The following DPAGT1 variants were observed in gnomAD, a reference collection of about 807,000 sequenced individuals.
DPAGT1 encodes UDP-N-acetylglucosamine--dolichyl-phosphate N-acetylglucosaminephosphotransferase.
Under a neutral mutation model 39.3 loss-of-function variants are expected in DPAGT1, and 25 were observed. The observed-to-expected ratio is 0.64, with a 90% CI of 0.46 to 0.89. The LOEUF is 0.89. Ranked by LOEUF, DPAGT1 falls within the 40% of genes least tolerant of loss-of-function variation. The probability of loss-of-function intolerance (pLI) is 0.00; values close to 1 mark genes in which losing one functional copy is unlikely to be tolerated. For missense variants in DPAGT1, 381 were observed against 500.6 expected (o/e 0.76, Z 2.28); for synonymous variants, 193 against 201.4 (o/e 0.96, Z 0.36).
At position 119,100,700 on chromosome 11, in the gene DPAGT1, G is replaced by A; in HGVS notation, c.426C>T (p.Thr142=). 6.2e-7 allele frequency: 1 copy of A among 1,614,182 alleles called. No individual in the cohort carries two copies. Among genetic ancestry groups the A allele is most frequent in the Non-Finnish European group, 8.5e-7 (1 of 1,180,026 alleles). The change falls in exon 3 of 9, where the codon ACC becomes ACT. Residue 142 remains threonine (T), a synonymous_variant. Transcript: ENST00000354202. ...ASLPLLMVYF[T]NFGNTTIVVP... ...CCACAATGGTCGTGTTGCCAAAGTT[G>A]GTGAAATAGACCATGAGGAGAGGTA...
At position 119,101,678 on chromosome 11, in the gene DPAGT1, T is replaced by TCCG. The variant is rs768645560; in HGVS notation, c.-26_-24dup. On this transcript the variant is annotated 5_prime_UTR_variant, in exon 1 of 9. Coordinates refer to ENST00000354202, the MANE Select transcript of DPAGT1 (RefSeq NM_001382.4). ...CATGGTGACCGGTCAGGGGCCCGGC[T>TCCG]CCGCCGCCTCTTCAGGTAACGGGCA... The TCCG allele has an allele frequency of 6.2e-7, 1 of 1,614,132 alleles. No homozygotes were observed. Among genetic ancestry groups the TCCG allele is most frequent in the East Asian group, 2.2e-5 (1 of 44,880 alleles).
chr11:119,095,420 C>T, downstream of DPAGT1: 1 of 1,494,740 alleles, frequency 6.7e-7, no homozygotes. Context: ...CGGTGAAGCA[C>T]GACGGCTCAA....
In DPAGT1 at chr11:119,097,634, G is replaced by A; in HGVS notation, c.918-83C>T. On this transcript the variant is annotated intron_variant, in intron 6 of 8. Coordinates refer to ENST00000354202, the MANE Select transcript of DPAGT1 (RefSeq NM_001382.4). This position sits in a 1 kb window ranked among gnomAD's most constrained non-coding sequence, Gnocchi z 4.6. The stretch of plus-strand genomic sequence containing the variant: ...GGCTAATAGGAAGAGCATTGAATGT[G>A]GAGTCAACCTGAGATCTATTTCTGG... 1 of 1,522,224 alleles carries A rather than the reference G, an allele frequency of 6.6e-7. No homozygotes were observed. The highest frequency in any genetic ancestry group is 9.1e-7 in the Non-Finnish European group (1 of 1,097,638). The allele number at this position is 1,522,224 out of a possible 1,614,324, so 94.3% of individuals were successfully genotyped here. A position where few individuals can be genotyped will look rare whatever the true frequency, so the allele number is the denominator to read the frequency against.
At position 119,098,223 on chromosome 11, in the gene DPAGT1, C is replaced by T. The variant is rs563791549; in HGVS notation, c.728+180G>A. On this transcript the variant is annotated intron_variant, in intron 5 of 8. Coordinates refer to ENST00000354202, the MANE Select transcript of DPAGT1 (RefSeq NM_001382.4). ...AATTCATCTATTCCTGGGGCCTCCA[C>T]GCACTCATCCCTAACTACTACTGGG... The T allele has an allele frequency of 1.3e-4, 137 of 1,079,168 alleles. 1 individual carries two copies. In the Middle Eastern group the frequency reaches 2.0e-3, roughly 16 times the overall value. The allele number at this position is 1,079,168 out of a possible 1,614,324, so 66.8% of individuals were successfully genotyped here. A position where few individuals can be genotyped will look rare whatever the true frequency, so the allele number is the denominator to read the frequency against.
chr11:119,099,755 T>C (rs536954886), intron 4 of DPAGT1, among the ~76,000 whole-genome samples: 369 of 128,224 alleles, frequency 2.9e-3, no homozygotes, highest in Non-Finnish European at 4.8e-3. Flanking sequence ...CTCTCCAGCC[T>C]GCATGACAGA....
rs766568876 is a variant in DPAGT1 at position 119,098,438 on chromosome 11, A to G, written c.693T>C (p.Phe231=). The G allele has an allele frequency of 1.2e-6, 2 of 1,614,182 alleles. No individual in the cohort carries two copies. Among genetic ancestry groups the G allele is most frequent in the South Asian group, 1.1e-5 (1 of 91,088 alleles). ...HVFSLYFMIP[F]FFTTLGLLYH... ...AGAGCAATCCCAAAGTGGTGAAAAA[A>G]AAGGGTATCATGAAGTAGAGGGAAA... The change falls in exon 5 of 9, where the codon TTT becomes TTC. Residue 231 remains phenylalanine (F), a synonymous_variant. Coordinates refer to ENST00000354202, the MANE Select transcript of DPAGT1 (RefSeq NM_001382.4).
At position 119,096,689 on chromosome 11, in the gene DPAGT1, A is replaced by G. The variant is rs1302356983; in HGVS notation, c.*309T>C. ...GTTCCTTGAGAGTCAGGACTCTGAA[A>G]TGTGAGTGTGGATAACTGCAAAAAA... On this transcript the variant is annotated 3_prime_UTR_variant, in exon 9 of 9. Transcript: ENST00000354202. 3 of 464,032 alleles carry G rather than the reference A, an allele frequency of 6.5e-6. No homozygotes were observed. The Admixed American group carries it at 1.1e-4, about 16-fold the overall frequency. The allele number at this position is 464,032 out of a possible 1,614,324, so 28.7% of individuals were successfully genotyped here. A position where few individuals can be genotyped will look rare whatever the true frequency, so the allele number is the denominator to read the frequency against.
At chr11:119,098,084 T>C (rs756947194) in intron 5 of DPAGT1, 41 bp from the exon 6 acceptor site, 1 of 1,612,288 alleles carries the variant, frequency 6.2e-7, no homozygotes, top group Non-Finnish European at 8.5e-7. Flanking sequence ...GCAAGAGGCA[T>C]TACCAATCCC....
intron 4 of DPAGT1, 129 bp downstream of exon 4, chr11:119,100,133 T>G: frequency 7.0e-7 from 1 of 1,429,372 alleles, no homozygotes; most frequent in Non-Finnish European, 9.8e-7. Context: ...ATTTGCAAAG[T>G]AAGTAGCTTC....
chr11:119,100,887 T>C (rs748138164), intron 2 of DPAGT1, 44 bp from the exon 3 acceptor site: 2 of 1,613,822 alleles, frequency 1.2e-6, no homozygotes, highest in African/African-American at 1.3e-5. Flanking sequence ...CCTGCTCCCA[T>C]TCCACCTTTT....
rs1592225499 is a variant in DPAGT1, at chr11:119,097,357, C to G, written c.1006-60G>C. The G allele has an allele frequency of 6.2e-7, 1 of 1,613,366 alleles. No individual in the cohort carries two copies. Among genetic ancestry groups the G allele is most frequent in the East Asian group, 2.2e-5 (1 of 44,882 alleles). The stretch of plus-strand genomic sequence containing the variant: ...ATACCTATGCTTTAGGAATGTGGAT[C>G]TATTTAATGCTTTCAAGTTCCCCTT... On this transcript the variant is annotated intron_variant, in intron 7 of 8. Transcript: ENST00000354202. The surrounding 1 kb of genome is among the most constrained non-coding windows in gnomAD (Gnocchi z 4.6).
Position 119,098,148 on chromosome 11 carries a change from C to G in DPAGT1, c.729-105G>C, listed in dbSNP as rs1294622715. 2.0e-6 allele frequency: 3 copies of G among 1,485,050 alleles called. No homozygotes were observed. In the African/African-American group the frequency reaches 4.2e-5, roughly 21 times the overall value. The allele number at this position is 1,485,050 out of a possible 1,614,324, so 92.0% of individuals were successfully genotyped here. ...GGACTAGCCCTGACCCTAGTTCTGA[C>G]TCAGAGGAGACTCCAGTTGTGCAGC... On this transcript the variant is annotated intron_variant, in intron 5 of 8. Coordinates refer to ENST00000354202, the MANE Select transcript of DPAGT1 (RefSeq NM_001382.4).
In DPAGT1 at chr11:119,101,569, G is replaced by T. The variant is rs745996012; in HGVS notation, c.87C>A (p.Ile29=). Residue 29 remains isoleucine (I), a synonymous_variant, in exon 1 of 9, where the codon ATC becomes ATA. Transcript: ENST00000354202. ...LLGFVATVTL[I]PAFRGHFIAA... ...CAATGAAGTGGCCCCGGAAGGCCGG[G>T]ATGAGGGTGACTGTGGCCACAAATC... The T allele has an allele frequency of 6.2e-7, 1 of 1,614,276 alleles. No individual in the cohort carries two copies. The highest frequency in any genetic ancestry group is 2.2e-5 in the East Asian group (1 of 44,892).
In DPAGT1 at chr11:119,100,569, AGC is replaced by A. The variant is rs751784451; in HGVS notation, c.496+59_496+60del. ...AAGGAACACTTGGAGGAGAATGTGG[AGC>A]ACCAGGAAGGGTTCCCTGAAGTAGG... On this transcript the variant is annotated intron_variant, in intron 3 of 8. Transcript: ENST00000354202. The A allele has an allele frequency of 1.5e-4, 243 of 1,605,514 alleles. 1 individual carries two copies. Among genetic ancestry groups the A allele is most frequent in the Admixed American group, 3.3e-5 (2 of 59,854 alleles).
rs755580325 is a variant in DPAGT1, at chr11:119,097,779, A to C, written c.917+76T>G. On this transcript the variant is annotated intron_variant, in intron 6 of 8. Coordinates refer to ENST00000354202, the MANE Select transcript of DPAGT1 (RefSeq NM_001382.4). This position sits in a 1 kb window ranked among gnomAD's most constrained non-coding sequence, Gnocchi z 4.6. ...TTCTTTGGGCCCACTCCCTTTGCACAGCAAATGTATAGGCTGGCATTAGAT... is the reference window on the plus strand; with the variant it reads ...TTCTTTGGGCCCACTCCCTTTGCACCGCAAATGTATAGGCTGGCATTAGAT... 1.3e-6 allele frequency: 2 copies of C among 1,597,386 alleles called. No homozygotes were observed. The highest frequency in any genetic ancestry group is 2.2e-5 in the South Asian group (2 of 90,528).
chr11:119,101,347 A>C, intron 1 of DPAGT1, 148 bp downstream of exon 1: 1 of 1,501,946 alleles, frequency 6.7e-7, no homozygotes, highest in Non-Finnish European at 9.2e-7. Context: ...AATGCGAGTA[A>C]GTTCTGCTCA....
Position 119,100,950 on chromosome 11 carries a change from T to C in DPAGT1, c.282+68A>G, listed in dbSNP as rs1946492313. On this transcript the variant is annotated intron_variant, in intron 2 of 8. Transcript: ENST00000354202. Reference sequence around the variant, plus strand: ...CTTAGCCCCTCCCCACAAGCCCAAATAACCCCAGTTCTCTCAGGTACCTCC... The same window carrying C: ...CTTAGCCCCTCCCCACAAGCCCAAACAACCCCAGTTCTCTCAGGTACCTCC... The C allele has an allele frequency of 6.2e-6, 10 of 1,613,854 alleles. No homozygotes were observed. In the Admixed American group the frequency reaches 1.3e-4, roughly 22 times the overall value.
At chr11:119,095,742 G>A (rs931730749), downstream of DPAGT1, among the ~76,000 whole-genome samples, 1 of 152,142 alleles carries the variant, frequency 6.6e-6, no homozygotes, top group Non-Finnish European at 1.5e-5. Context: ...ACTACAATCG[G>A]AAACCAGAAG....
chr11:119,096,772 C>G lies in DPAGT1; in HGVS notation c.*226G>C, dbSNP rs1483704861. On this transcript the variant is annotated 3_prime_UTR_variant, in exon 9 of 9. Coordinates refer to ENST00000354202, the MANE Select transcript of DPAGT1 (RefSeq NM_001382.4). ...GATGGGATGGAGAGGGAGAGAGTAG[C>G]AAGTTGCAGAAAGCCATAGGTAAAA... 1 of 605,486 alleles carries G rather than the reference C, an allele frequency of 1.7e-6. No individual in the cohort carries two copies. The highest frequency in any genetic ancestry group is 2.9e-6 in the Non-Finnish European group (1 of 342,584). 37.5% of individuals were successfully genotyped at this position (605,486 alleles called of 1,614,324 possible). A position where few individuals can be genotyped will look rare whatever the true frequency, so the allele number is the denominator to read the frequency against.
Sources: gnomAD v4.1 joint callset for allele counts (sites outside exome capture counted in the v4.1 genomes callset) on GRCh38, gnomAD v4.1.1 for gene constraint, Gnocchi (gnomAD v3.1) non-coding constraint, MANE v1.5 for transcripts, NCBI Gene and HGNC (gene_info 2026-07-23, HGNC 2026-07-21) for gene names.